The following RALGPS1 variants were observed in gnomAD, a reference collection of about 807,000 sequenced individuals.
RALGPS1 encodes the protein ras-specific guanine nucleotide-releasing factor RalGPS1.
In RALGPS1, 19 loss-of-function variants were observed where a neutral mutation model predicts 78.8. That is an observed-to-expected ratio of 0.24 (90% CI 0.17 to 0.35). The LOEUF is 0.35. Ranked by LOEUF, RALGPS1 falls within the 10% of genes least tolerant of loss-of-function variation. The probability of loss-of-function intolerance (pLI) is 1.00; values close to 1 mark genes in which losing one functional copy is unlikely to be tolerated. For missense variants in RALGPS1, 454 were observed against 688.3 expected (o/e 0.66, Z 3.81); for synonymous variants, 228 against 256.3 (o/e 0.89, Z 1.06).
chr9:126,993,910 G>T (rs1459173580), intron 4 of RALGPS1, among the ~76,000 whole-genome samples: 2 of 152,170 alleles, frequency 1.3e-5, no homozygotes, highest in African/African-American at 4.8e-5. Flanking sequence ...TGAAACCCAG[G>T]CAAACAGGGT....
chr9:126,963,453 A>G (rs1002576783), intron 2 of RALGPS1, among the ~76,000 whole-genome samples: 1 of 152,160 alleles, frequency 6.6e-6, no homozygotes, highest in African/African-American at 2.4e-5. Context: ...ATATATGTGT[A>G]TCCAGCACAA....
chr9:127,043,161 A>G (rs1422051047), intron 5 of RALGPS1, among the ~76,000 whole-genome samples: 1 of 152,224 alleles, frequency 6.6e-6, no homozygotes, highest in Non-Finnish European at 1.5e-5. Flanking sequence ...ACAAATATCA[A>G]CACAATACTG....
chr9:127,027,880 C>T (rs1252055639), intron 4 of RALGPS1, among the ~76,000 whole-genome samples: 1 of 152,208 alleles, frequency 6.6e-6, no homozygotes, highest in East Asian at 1.9e-4. Context: ...TCTCTCTGAG[C>T]CTCATAGTCT....
chr9:126,947,838 G>A (rs1029441709), intron 1 of RALGPS1, among the ~76,000 whole-genome samples: 12 of 152,218 alleles, frequency 7.9e-5, no homozygotes, highest in Non-Finnish European at 1.5e-5. Context: ...AAGGGTGGGT[G>A]CTGTGCATGG....
intron 8 of RALGPS1, among the ~76,000 whole-genome samples, chr9:127,127,723 T>G (rs187969819): frequency 6.6e-6 from 1 of 152,328 alleles, no homozygotes; most frequent in Non-Finnish European, 1.5e-5. Flanking sequence ...GAGTGAAATA[T>G]TACTATTCTA....
intron 8 of RALGPS1, chr9:127,108,708 G>A: frequency 1.2e-6 from 2 of 1,611,916 alleles, no homozygotes; most frequent in Non-Finnish European, 1.7e-6. Context: ...CGAGCCACCA[G>A]CATGTCACGC....
At chr9:126,938,759 A>G (rs898982352) in intron 1 of RALGPS1, among the ~76,000 whole-genome samples, 1 of 152,206 alleles carries the variant, frequency 6.6e-6, no homozygotes, top group Admixed American at 6.5e-5. Flanking sequence ...CTTCACGACA[A>G]ATGTTTTGAG....
At chr9:127,148,167 G>A (rs566979452) in intron 8 of RALGPS1, among the ~76,000 whole-genome samples, 1 of 152,340 alleles carries the variant, frequency 6.6e-6, no homozygotes, top group Non-Finnish European at 1.5e-5. Context: ...CTGTGGATTC[G>A]GTGTATGAGA....
chr9:127,066,690 A>G (rs976875344), intron 7 of RALGPS1, among the ~76,000 whole-genome samples: 1 of 152,174 alleles, frequency 6.6e-6, no homozygotes, highest in African/African-American at 2.4e-5. Flanking sequence ...TCCAGTAGGT[A>G]TGTGGTTCTG....
intron 5 of RALGPS1, among the ~76,000 whole-genome samples, chr9:127,036,749 A>G (rs1249246274): frequency 6.6e-6 from 1 of 152,234 alleles, no homozygotes; most frequent in East Asian, 1.9e-4. Flanking sequence ...AGCCTATGTT[A>G]CAACCCCAAG....
intron 11 of RALGPS1, among the ~76,000 whole-genome samples, chr9:127,186,870 A>G (rs2060683607): frequency 1.3e-5 from 2 of 152,198 alleles, no homozygotes; most frequent in Non-Finnish European, 2.9e-5. Context: ...ATCCAGGCCT[A>G]GTCCTGGAGG....
chr9:126,923,270 G>A lies in RALGPS1; in HGVS notation c.-66+8295G>A, dbSNP rs375818924. 8.5e-4 allele frequency among the ~76,000 whole-genome samples: 130 copies of A among 152,266 alleles called. 2 individuals carry two copies. In the South Asian group the frequency reaches 0.025, roughly 29 times the overall value. On this transcript the variant is annotated intron_variant, in intron 1 of 18. Transcript: ENST00000259351. ...GCAGGTAGCTAGGGCAGGTTTTGAT[G>A]TGCATAGAAGACAATGGAAGCTTAG...
chr9:127,215,560 T>G (rs1279371364), intron 18 of RALGPS1, among the ~76,000 whole-genome samples: 1 of 152,192 alleles, frequency 6.6e-6, no homozygotes, highest in Admixed American at 6.5e-5. Flanking sequence ...GGTCCCACAT[T>G]AGTGAGCAGT....
intron 4 of RALGPS1, among the ~76,000 whole-genome samples, chr9:127,022,837 T>C (rs902962580): frequency 1.3e-5 from 2 of 152,204 alleles, no homozygotes; most frequent in Non-Finnish European, 2.9e-5. Flanking sequence ...CCTACCTTCA[T>C]CCTCATTCAT....
At chr9:127,204,707 T>C (rs2061839123) in intron 14 of RALGPS1, among the ~76,000 whole-genome samples, 1 of 152,176 alleles carries the variant, frequency 6.6e-6, no homozygotes, top group South Asian at 2.1e-4. Flanking sequence ...TGATGCAGTT[T>C]CTGCCCATGT....
chr9:127,153,511 G>T (rs1252369094), intron 8 of RALGPS1, among the ~76,000 whole-genome samples: 1 of 150,418 alleles, frequency 6.6e-6, no homozygotes, highest in South Asian at 2.1e-4. Context: ...TGGTTCTGCT[G>T]TATACCCCTG....
chr9:126,968,734 G>A (rs1470630134), intron 3 of RALGPS1, among the ~76,000 whole-genome samples: 1 of 152,220 alleles, frequency 6.6e-6, no homozygotes, highest in African/African-American at 2.4e-5. Flanking sequence ...TACAATGTAA[G>A]CTACATATGC....
At chr9:127,027,474 A>G (rs908391478) in intron 4 of RALGPS1, among the ~76,000 whole-genome samples, 4 of 152,224 alleles carry the variant, frequency 2.6e-5, no homozygotes, top group Admixed American at 6.5e-5. Context: ...TAAGAGTTAT[A>G]GAAAAAGATG....
chr9:127,072,325 G>A (rs889477514), intron 8 of RALGPS1, among the ~76,000 whole-genome samples: 5 of 152,074 alleles, frequency 3.3e-5, no homozygotes, highest in Admixed American at 2.6e-4. Flanking sequence ...TGATCCTCCC[G>A]CCTCAGCCTC....
Sources: allele counts gnomAD v4.1 joint callset (sites outside exome capture counted in the v4.1 genomes callset), GRCh38; gene constraint gnomAD v4.1.1; transcripts MANE v1.5; gene names NCBI Gene and HGNC (gene_info 2026-07-23, HGNC 2026-07-21).